Variants in PRICKLE1 observed in about 807,000 individuals in gnomAD.
The protein encoded by PRICKLE1 is prickle-like protein 1.
Under a neutral mutation model 70.2 loss-of-function variants are expected in PRICKLE1, and 14 were observed. The ratio of observed to expected loss-of-function variants is 0.20; its 90% CI spans 0.13 to 0.31. The LOEUF is 0.31. Ranked by LOEUF, PRICKLE1 falls within the 10% of genes least tolerant of loss-of-function variation. PRICKLE1 has a pLI of 1.00. For synonymous variants in PRICKLE1, 357 were observed against 379.9 expected (o/e 0.94, Z 0.70); for missense variants, 821 against 1,026.2 (o/e 0.80, Z 2.73).
intron 1 of PRICKLE1, among the ~76,000 whole-genome samples, chr12:42,495,112 T>C (rs528712918): frequency 1.3e-5 from 2 of 151,896 alleles, no homozygotes; most frequent in Non-Finnish European, 2.9e-5. Flanking sequence ...CTCATGCCTG[T>C]AATCCCAGCA....
intron 1 of PRICKLE1, among the ~76,000 whole-genome samples, chr12:42,561,472 CATTTATCTTCTATGA>C (rs1291765857): frequency 2.0e-5 from 3 of 152,160 alleles, no homozygotes; most frequent in Admixed American, 2.0e-4. Context: ...TTACTGATGG[CATTTATCTTCTATGA>C]ATATGTGTTT....
chr12:42,501,435 G>A (rs1252330518), intron 1 of PRICKLE1, among the ~76,000 whole-genome samples: 1 of 147,286 alleles, frequency 6.8e-6, no homozygotes, highest in Non-Finnish European at 1.5e-5. Flanking sequence ...GCTTGAACCC[G>A]GGAAGGGGAG....
intron 1 of PRICKLE1, among the ~76,000 whole-genome samples, chr12:42,531,065 T>C: frequency 1.2e-5 from 1 of 84,162 alleles, no homozygotes; most frequent in Non-Finnish European, 2.4e-5. Flanking sequence ...TTTTTTTTTT[T>C]TGACGGAGTC....
chr12:42,537,403 G>T (rs192857245), intron 1 of PRICKLE1, among the ~76,000 whole-genome samples: 1 of 152,054 alleles, frequency 6.6e-6, no homozygotes, highest in Non-Finnish European at 1.5e-5. Context: ...GGGCTCAAGC[G>T]ACCATCCTGC....
intron 1 of PRICKLE1, among the ~76,000 whole-genome samples, chr12:42,507,388 T>A (rs1939439191): frequency 6.6e-6 from 1 of 152,232 alleles, no homozygotes; most frequent in Non-Finnish European, 1.5e-5. Context: ...GGAAAGGGTT[T>A]TGAACCCTTT....
intron 1 of PRICKLE1, among the ~76,000 whole-genome samples, chr12:42,553,098 C>A (rs1023520789): frequency 6.6e-6 from 1 of 152,048 alleles, no homozygotes; most frequent in African/African-American, 2.4e-5. Context: ...GGGTGGGGAC[C>A]CCTGTCTTAG....
At chr12:42,578,603 G>A (rs573413664) in intron 1 of PRICKLE1, among the ~76,000 whole-genome samples, 33 of 150,798 alleles carry the variant, frequency 2.2e-4, no homozygotes, top group African/African-American at 6.6e-4. Context: ...TAGATAAAAG[G>A]GTAAACAGCT....
chr12:42,588,514 CTT>C (rs1274137813), intron 1 of PRICKLE1, among the ~76,000 whole-genome samples: 3 of 145,606 alleles, frequency 2.1e-5, no homozygotes, highest in Admixed American at 1.4e-4. Flanking sequence ...GTTGTTGGTG[CTT>C]TTTTTTTTTC....
At chr12:42,556,759 C>A (rs185485560) in intron 1 of PRICKLE1, among the ~76,000 whole-genome samples, 24 of 152,234 alleles carry the variant, frequency 1.6e-4, no homozygotes, top group African/African-American at 5.3e-4. Flanking sequence ...TATGTACATG[C>A]CTGATGGGGT....
At position 42,501,029 on chromosome 12, in the gene PRICKLE1, G is replaced by A. The variant is rs148515101; in HGVS notation, c.-48-28465C>T. Among the ~76,000 whole-genome samples, 625 of 152,280 alleles carry A rather than the reference G, an allele frequency of 4.1e-3. 4 individuals are homozygous for A. The highest frequency in any genetic ancestry group is 6.8e-3 in the Non-Finnish European group (465 of 68,030). ...ACAAGATTCCAGCAATCTCTGAAATGCTTCTACCTATTGGAAAAGTGGGTT... is the reference window on the plus strand; with the variant it reads ...ACAAGATTCCAGCAATCTCTGAAATACTTCTACCTATTGGAAAAGTGGGTT... On this transcript the variant is annotated intron_variant, in intron 1 of 7. Transcript: ENST00000345127.
chr12:42,478,685 G>A (rs994298661), intron 1 of PRICKLE1, among the ~76,000 whole-genome samples: 2 of 150,392 alleles, frequency 1.3e-5, no homozygotes, highest in African/African-American at 4.9e-5. Context: ...CAAGGGAGGT[G>A]AGAAAGAAGC....
chr12:42,508,084 T>C (rs1265627781), intron 1 of PRICKLE1, among the ~76,000 whole-genome samples: 1 of 152,144 alleles, frequency 6.6e-6, no homozygotes, highest in Non-Finnish European at 1.5e-5. Flanking sequence ...TTTATATTTT[T>C]AAGAACTCAT....
intron 5 of PRICKLE1, 41 bp downstream of exon 5, chr12:42,468,585 A>G: frequency 6.3e-7 from 1 of 1,577,444 alleles, no homozygotes; most frequent in Non-Finnish European, 8.7e-7. Flanking sequence ...GCTTAATCTA[A>G]GCTTATTTTT....
At chr12:42,473,451 G>A (rs1938401303) in intron 1 of PRICKLE1, among the ~76,000 whole-genome samples, 1 of 152,170 alleles carries the variant, frequency 6.6e-6, no homozygotes, top group Non-Finnish European at 1.5e-5. Context: ...AAAGTGTCAA[G>A]ACAACATTCC....
At chr12:42,477,265 G>C (rs997572913) in intron 1 of PRICKLE1, among the ~76,000 whole-genome samples, 1 of 151,538 alleles carries the variant, frequency 6.6e-6, no homozygotes, top group South Asian at 2.1e-4. Context: ...CCAGCTACTC[G>C]AGAGGCTGAG....
intron 1 of PRICKLE1, among the ~76,000 whole-genome samples, chr12:42,583,463 G>GGGCTATTTT (rs1940937562): frequency 6.6e-6 from 1 of 152,124 alleles, no homozygotes; most frequent in Admixed American, 6.6e-5. Flanking sequence ...ATCTTTTGGT[G>GGGCTATTTT]GGCTATTCTT....
At chr12:42,574,693 A>G (rs1490551128) in intron 1 of PRICKLE1, among the ~76,000 whole-genome samples, 1 of 152,210 alleles carries the variant, frequency 6.6e-6, no homozygotes, top group African/African-American at 2.4e-5. Context: ...TTTCAACCTA[A>G]GAAGTGAGTT....
chr12:42,510,702 C>T (rs1011499924), intron 1 of PRICKLE1, among the ~76,000 whole-genome samples: 3 of 151,976 alleles, frequency 2.0e-5, no homozygotes, highest in African/African-American at 7.3e-5. Context: ...TCCCAAAGAT[C>T]TTTATTGAGA....
At chr12:42,493,444 G>GA (rs1593136506) in intron 1 of PRICKLE1, among the ~76,000 whole-genome samples, 1 of 151,876 alleles carries the variant, frequency 6.6e-6, no homozygotes, top group Non-Finnish European at 1.5e-5. Flanking sequence ...TGGTTAACCA[G>GA]AAAAAAAAGA....
Sources: gnomAD v4.1 joint callset for allele counts (sites outside exome capture counted in the v4.1 genomes callset) on GRCh38, gnomAD v4.1.1 for gene constraint, MANE v1.5 for transcripts, NCBI Gene and HGNC (gene_info 2026-07-23, HGNC 2026-07-21) for gene names.